MECOM: variants seen among roughly 807,000 people sequenced by gnomAD.
MECOM encodes the protein MDS1 and EVI1 complex locus.
MECOM carries 13 observed loss-of-function variants against 116.3 expected under a neutral mutation model. The ratio of observed to expected loss-of-function variants is 0.11; its 90% CI spans 0.07 to 0.18. The LOEUF is 0.18. MECOM is among the 10% of genes least tolerant of loss of function. MECOM has a pLI of 1.00. For synonymous variants in MECOM, 528 were observed against 535.2 expected (o/e 0.99, Z 0.19); for missense variants, 1,299 against 1,509.0 (o/e 0.86, Z 2.31).
In MECOM at chr3:169,116,569, C is replaced by A; in HGVS notation, c.1303G>T (p.Ala435Ser). 1 of 1,614,190 alleles carries A rather than the reference C, an allele frequency of 6.2e-7. No homozygotes were observed. Among genetic ancestry groups the A allele is most frequent in the Non-Finnish European group, 8.5e-7 (1 of 1,180,020 alleles). ...ATGCCTTGGCCAAAAAATCCACCTG[C>A]CGCAAAATGGTTCTTGCCCTCACAA... Reference protein sequence around the residue: ...RFCEGKNHFAAGGFFGQGISL... With the variant: ...RFCEGKNHFASGGFFGQGISL... Residue 435 changes from alanine (A) to serine (S), a missense_variant, in exon 8 of 17, where the codon GCA (alanine) becomes TCA (serine). By Grantham distance (99) the Ala-to-Ser change is moderately conservative. Around this residue, in one of 6 missense-constraint regions of MECOM, gnomAD observed 238 missense variants for 273.1 expected, o/e 0.87. Coordinates refer to ENST00000651503, the MANE Select transcript of MECOM (RefSeq NM_004991.4).
intron 2 of MECOM, among the ~76,000 whole-genome samples, chr3:169,165,471 A>C (rs1278092572): frequency 6.6e-6 from 1 of 152,140 alleles, no homozygotes; most frequent in Non-Finnish European, 1.5e-5. Flanking sequence ...TGTTTAAAGC[A>C]CCTACAGAAC....
chr3:169,207,795 G>C (rs1192196627), intron 2 of MECOM, among the ~76,000 whole-genome samples: 1 of 152,106 alleles, frequency 6.6e-6, no homozygotes, highest in East Asian at 1.9e-4. Context: ...ATGCCACCTT[G>C]TTGTTCAAAA....
intron 1 of MECOM, among the ~76,000 whole-genome samples, chr3:169,502,998 TAAC>T (rs1223978410): frequency 1.3e-5 from 2 of 152,134 alleles, no homozygotes; most frequent in African/African-American, 4.8e-5. Context: ...TTGAGAACAC[TAAC>T]AACAATAATG....
rs912515636 is a variant in MECOM, at chr3:169,602,147, T to A, written c.37+61189A>T. Among the ~76,000 whole-genome samples, 3 of 152,202 alleles carry A rather than the reference T, an allele frequency of 2.0e-5. No individual in the cohort carries two copies. The South Asian group carries it at 6.2e-4, about 32-fold the overall frequency. On this transcript the variant is annotated intron_variant, in intron 1 of 16. Coordinates refer to ENST00000651503, the MANE Select transcript of MECOM (RefSeq NM_004991.4). ...ATTAGAAACAGAGATATACTCTGAT[T>A]TGAATGGTGGTTTAAGTAAAAAAAC...
intron 1 of MECOM, among the ~76,000 whole-genome samples, chr3:169,575,704 G>T (rs1254281892): frequency 1.3e-5 from 2 of 152,120 alleles, no homozygotes; most frequent in South Asian, 4.1e-4. Context: ...GTGGTGTGTC[G>T]TTCAACTGGT....
chr3:169,635,738 C>A (rs1772663845), intron 1 of MECOM, among the ~76,000 whole-genome samples: 1 of 152,170 alleles, frequency 6.6e-6, no homozygotes, highest in Non-Finnish European at 1.5e-5. Flanking sequence ...ATTGGGTGAA[C>A]TACACTGGAT....
intron 2 of MECOM, among the ~76,000 whole-genome samples, chr3:169,172,743 G>T (rs1422730967): frequency 1.3e-5 from 2 of 152,156 alleles, no homozygotes; most frequent in African/African-American, 4.8e-5. Flanking sequence ...TGAACCCTCA[G>T]TGGGTCAGGG....
chr3:169,412,413 A>G (rs1423756003), intron 1 of MECOM, among the ~76,000 whole-genome samples: 5 of 152,056 alleles, frequency 3.3e-5, no homozygotes, highest in African/African-American at 7.2e-5. Context: ...GCTGTTTTCC[A>G]TAAAAAGAAA....
chr3:169,172,345 CT>C (rs1188261014), intron 2 of MECOM, among the ~76,000 whole-genome samples: 1 of 151,402 alleles, frequency 6.6e-6, no homozygotes, highest in African/African-American at 2.4e-5. Flanking sequence ...ATGTCAATGT[CT>C]TTTCTTACTT....
chr3:169,341,359 T>G (rs1311696556), intron 2 of MECOM, among the ~76,000 whole-genome samples: 1 of 141,548 alleles, frequency 7.1e-6, no homozygotes, highest in Non-Finnish European at 1.5e-5. Context: ...ATTGAACTCA[T>G]GGACTTAGAG....
In MECOM at chr3:169,110,352, T is replaced by C. The variant is rs1288648652; in HGVS notation, c.2578-2400A>G. Reference sequence around the variant, plus strand: ...CCACTAATAAGAGCTCTTCCTCATTTAGGTCCTTCCACATGCCAAGCACAA... The same window carrying C: ...CCACTAATAAGAGCTCTTCCTCATTCAGGTCCTTCCACATGCCAAGCACAA... On this transcript the variant is annotated intron_variant, in intron 9 of 16. Coordinates refer to ENST00000651503, the MANE Select transcript of MECOM (RefSeq NM_004991.4). Among the ~76,000 whole-genome samples, 4 of 152,184 alleles carry C rather than the reference T, an allele frequency of 2.6e-5. No individual in the cohort carries two copies. The East Asian group carries it at 7.7e-4, about 29-fold the overall frequency.
At chr3:169,609,114 AC>A (rs1428015218) in intron 1 of MECOM, among the ~76,000 whole-genome samples, 1 of 152,162 alleles carries the variant, frequency 6.6e-6, no homozygotes, top group Non-Finnish European at 1.5e-5. Flanking sequence ...ATCTCTTCTG[AC>A]TTTTACATCC....
chr3:169,562,794 G>T (rs143869509), intron 1 of MECOM, among the ~76,000 whole-genome samples: 222 of 152,272 alleles, frequency 1.5e-3, no homozygotes, highest in African/African-American at 5.2e-3. Flanking sequence ...GGGTGCAGTG[G>T]CTCATGCCTG....
At chr3:169,469,993 T>C (rs1251600738) in intron 1 of MECOM, among the ~76,000 whole-genome samples, 1 of 152,178 alleles carries the variant, frequency 6.6e-6, no homozygotes, top group Admixed American at 6.5e-5. Flanking sequence ...TGATATGATA[T>C]TAAAGCTCCA....
At chr3:169,304,020 A>G (rs1195495759) in intron 2 of MECOM, among the ~76,000 whole-genome samples, 16 of 152,238 alleles carry the variant, frequency 1.1e-4, no homozygotes, top group Admixed American at 9.2e-4. Context: ...CTACAAAGCA[A>G]TGAAGCTGCT....
chr3:169,644,441 G>A (rs1042749558), intron 1 of MECOM, among the ~76,000 whole-genome samples: 5 of 151,976 alleles, frequency 3.3e-5, no homozygotes, highest in Non-Finnish European at 1.5e-5. Flanking sequence ...ATTTTTAGTA[G>A]AGACAGAGTT....
chr3:169,235,484 T>TAC (rs936884348), intron 2 of MECOM, among the ~76,000 whole-genome samples: 7 of 151,840 alleles, frequency 4.6e-5, no homozygotes, highest in Admixed American at 4.6e-4. Context: ...TGCACATGCA[T>TAC]ACACACACAC....
chr3:169,540,308 T>A (rs1479042283), intron 1 of MECOM, among the ~76,000 whole-genome samples: 1 of 152,082 alleles, frequency 6.6e-6, no homozygotes, highest in African/African-American at 2.4e-5. Flanking sequence ...CAAGCAGGAG[T>A]TCTGGCATTC....
chr3:169,211,275 C>A (rs955145087), intron 2 of MECOM, among the ~76,000 whole-genome samples: 2 of 152,034 alleles, frequency 1.3e-5, no homozygotes, highest in Admixed American at 1.3e-4. Context: ...GAGAAATATA[C>A]CCTGAGGCCT....
Sources: allele counts gnomAD v4.1 joint callset (sites outside exome capture counted in the v4.1 genomes callset), GRCh38; gene constraint gnomAD v4.1.1; regional missense constraint gnomAD v4.1.1; transcripts MANE v1.5; gene names NCBI Gene and HGNC (gene_info 2026-07-23, HGNC 2026-07-21).